Variants in OR4N2 observed in about 807,000 individuals in gnomAD.
OR4N2 encodes the protein olfactory receptor family 4 subfamily N member 2, also known as olfactory receptor 4N2.
For missense variants in OR4N2, 307 were observed against 377.6 expected (o/e 0.81, Z 1.55); for synonymous variants, 141 against 140.4 (o/e 1.00, Z -0.03).
Position 19,828,011 on chromosome 14 carries a change from C to G in OR4N2, c.563C>G (p.Ala188Gly). ...FCDVPQVIKLACTDTFVVELL... is the reference protein window; with the variant it reads ...FCDVPQVIKLGCTDTFVVELL... ...GATGTCCCACAGGTCATCAAGCTGGCCTGCACCGACACATTTGTGGTGGAG... is the reference window on the plus strand; with the variant it reads ...GATGTCCCACAGGTCATCAAGCTGGGCTGCACCGACACATTTGTGGTGGAG... The change falls in exon 2 of 2, where the codon GCC becomes GGC. Residue 188 changes from alanine to glycine, a missense_variant. Physicochemically the swap from Ala to Gly is moderately conservative, Grantham distance 60. Transcript: ENST00000557677. 4 of 1,614,238 alleles carry G rather than the reference C, an allele frequency of 2.5e-6. No individual in the cohort carries two copies. Among genetic ancestry groups the G allele is most frequent in the Non-Finnish European group, 3.4e-6 (4 of 1,180,040 alleles).
intron 1 of OR4N2, among the ~76,000 whole-genome samples, chr14:19,805,696 T>C (rs1879147243): frequency 6.6e-6 from 1 of 152,158 alleles, no homozygotes; most frequent in African/African-American, 2.4e-5. Context: ...ATCTTCCTAA[T>C]CTTGCTAGAG....
At chr14:19,812,571 A>G (rs1485422084) in intron 1 of OR4N2, among the ~76,000 whole-genome samples, 4 of 151,994 alleles carry the variant, frequency 2.6e-5, no homozygotes, top group African/African-American at 4.8e-5. Flanking sequence ...TGTTAGCCAG[A>G]ATGGTCTCGG....
Position 19,828,552 on chromosome 14 carries a change from T to C in OR4N2, c.*180T>C. The C allele has an allele frequency of 1.6e-6, 1 of 626,136 alleles. No individual in the cohort carries two copies. Among genetic ancestry groups the C allele is most frequent in the South Asian group, 2.1e-5 (1 of 47,026 alleles). The allele number at this position is 626,136 out of a possible 1,614,324, so 38.8% of individuals were successfully genotyped here. On this transcript the variant is annotated 3_prime_UTR_variant, in exon 2 of 2. Transcript: ENST00000557677. ...CATCTGCTCTCCAAGAGATACAACC[T>C]AGTAAAAATAGACCACCATTAAGGT...
At chr14:19,824,174 G>A (rs1256423974) in intron 1 of OR4N2, among the ~76,000 whole-genome samples, 1 of 152,222 alleles carries the variant, frequency 6.6e-6, no homozygotes, top group Non-Finnish European at 1.5e-5. Context: ...TTACTCTGCT[G>A]ATGCCATCAT....
intron 1 of OR4N2, among the ~76,000 whole-genome samples, chr14:19,805,592 A>G (rs1266280733): frequency 2.6e-5 from 4 of 152,178 alleles, no homozygotes; most frequent in African/African-American, 9.6e-5. Context: ...AGATTACATA[A>G]AGAGACCAAA....
intron 1 of OR4N2, among the ~76,000 whole-genome samples, chr14:19,816,352 A>G (rs1443342440): frequency 6.6e-6 from 1 of 152,158 alleles, no homozygotes; most frequent in Non-Finnish European, 1.5e-5. Flanking sequence ...TTTTCCATTC[A>G]TTTGTGTCCT....
intron 1 of OR4N2, among the ~76,000 whole-genome samples, chr14:19,825,724 T>A (rs10135726): frequency 0.28 from 41,723 of 148,402 alleles, 2,909 homozygotes; most frequent in African/African-American, 0.32. Context: ...TCCAGCTAAT[T>A]TTTTTGTATT....
chr14:19,816,265 A>G (rs1484716356), intron 1 of OR4N2, among the ~76,000 whole-genome samples: 1 of 152,244 alleles, frequency 6.6e-6, no homozygotes, highest in Admixed American at 6.5e-5. Flanking sequence ...TGGGGATAGC[A>G]TTGAATCTGT....
chr14:19,811,458 G>A (rs1477954946), intron 1 of OR4N2, among the ~76,000 whole-genome samples: 6 of 152,200 alleles, frequency 3.9e-5, no homozygotes, highest in African/African-American at 1.4e-4. Flanking sequence ...GTGTTAGCCA[G>A]GATGGTCTCA....
In OR4N2 at chr14:19,828,671, A is replaced by C. The variant is rs1477173509; in HGVS notation, c.*299A>C. ...TAAATTGTGACTCTGGATTGGGAGT[A>C]ACCAATTTGTGTTTAATAATCAAAA... On this transcript the variant is annotated 3_prime_UTR_variant, in exon 2 of 2. Coordinates refer to ENST00000557677, the MANE Select transcript of OR4N2 (RefSeq NM_001004723.3). 1 of 289,346 alleles carries C rather than the reference A, an allele frequency of 3.5e-6. No individual in the cohort carries two copies. The highest frequency in any genetic ancestry group is 7.4e-5 in the East Asian group (1 of 13,592). The allele number at this position is 289,346 out of a possible 1,614,324, so 17.9% of individuals were successfully genotyped here. A position where few individuals can be genotyped will look rare whatever the true frequency, so the allele number is the denominator to read the frequency against.
intron 1 of OR4N2, among the ~76,000 whole-genome samples, chr14:19,816,684 A>T (rs1169704642): frequency 6.6e-6 from 1 of 152,162 alleles, no homozygotes; most frequent in African/African-American, 2.4e-5. Flanking sequence ...AATACGCTTT[A>T]TTTCTTTCTC....
At chr14:19,818,418 C>T (rs1026790001) in intron 1 of OR4N2, among the ~76,000 whole-genome samples, 7 of 152,284 alleles carry the variant, frequency 4.6e-5, no homozygotes, top group East Asian at 1.9e-4. Context: ...TTGCATTGAT[C>T]CCTTTACCAT....
chr14:19,827,991 C>A lies in OR4N2; in HGVS notation c.543C>A (p.Val181=). The A allele has an allele frequency of 6.2e-7, 1 of 1,614,218 alleles. No homozygotes were observed. The highest frequency in any genetic ancestry group is 8.5e-7 in the Non-Finnish European group (1 of 1,180,044). The change falls in exon 2 of 2, where the codon GTC becomes GTA. Residue 181 remains valine (V), a synonymous_variant. Transcript: ENST00000557677. ...AGCTGGACAACTTCTTCTGTGATGT[C>A]CCACAGGTCATCAAGCTGGCCTGCA... is the stretch of plus-strand genomic sequence containing the variant. The part of the protein sequence containing the change: ...PNQLDNFFCD[V]PQVIKLACTD...
intron 1 of OR4N2, among the ~76,000 whole-genome samples, chr14:19,826,431 C>T (rs1268862209): frequency 2.6e-5 from 4 of 152,210 alleles, no homozygotes; most frequent in African/African-American, 7.2e-5. Context: ...TATACACTTG[C>T]ATTATCCTAC....
intron 1 of OR4N2, among the ~76,000 whole-genome samples, chr14:19,808,922 AC>A (rs1879230964): frequency 1.3e-5 from 2 of 152,230 alleles, no homozygotes; most frequent in South Asian, 2.1e-4. Context: ...AGAAACAGAC[AC>A]ATTGACCCAT....
At position 19,829,743 on chromosome 14, in the gene OR4N2, C is replaced by T. The variant is rs1026851801; in HGVS notation, c.*1371C>T. 6.6e-6 allele frequency: 1 copy of T among 152,160 alleles called. No individual in the cohort carries two copies. The highest frequency in any genetic ancestry group is 6.5e-5 in the Admixed American group (1 of 15,270). 9.4% of individuals were successfully genotyped at this position (152,160 alleles called of 1,614,324 possible). ...GGCAGCATCCAAAACATCTGGAACC[C>T]CAAATGCAAGGGGGTCAAAAATTGA... On this transcript the variant is annotated 3_prime_UTR_variant, in exon 2 of 2. Coordinates refer to ENST00000557677, the MANE Select transcript of OR4N2 (RefSeq NM_001004723.3).
intron 1 of OR4N2, among the ~76,000 whole-genome samples, chr14:19,809,886 C>G (rs1339942380): frequency 6.6e-6 from 1 of 152,216 alleles, no homozygotes; most frequent in Non-Finnish European, 1.5e-5. Flanking sequence ...AAACCCCAAA[C>G]TGTAAAAACC....
intron 1 of OR4N2, among the ~76,000 whole-genome samples, chr14:19,805,163 C>A (rs1425814269): frequency 1.3e-5 from 2 of 152,192 alleles, no homozygotes; most frequent in African/African-American, 4.8e-5. Context: ...CCACTCTATG[C>A]CTTTTAATTG....
chr14:19,824,989 C>A (rs1404939748), intron 1 of OR4N2, among the ~76,000 whole-genome samples: 2 of 152,190 alleles, frequency 1.3e-5, no homozygotes, highest in Admixed American at 6.5e-5. Flanking sequence ...GTAGAAGGGG[C>A]TCTTGATTTA....
Sources: allele counts gnomAD v4.1 joint callset (sites outside exome capture counted in the v4.1 genomes callset), GRCh38; gene constraint gnomAD v4.1.1; transcripts MANE v1.5; gene names NCBI Gene and HGNC (gene_info 2026-07-23, HGNC 2026-07-21).